The following PCNX4 variants were observed in gnomAD, a reference collection of about 807,000 sequenced individuals.
PCNX4 encodes the protein pecanex 4.
Under a neutral mutation model 107.2 loss-of-function variants are expected in PCNX4, and 103 were observed. The ratio of observed to expected loss-of-function variants is 0.96; its 90% confidence interval spans 0.82 to 1.13. The LOEUF (loss-of-function observed/expected upper bound fraction) is 1.13. Ranked by LOEUF, PCNX4 falls within the 50% of genes most tolerant of loss-of-function variation. PCNX4 has a pLI of 0.00. For missense variants in PCNX4, 1,528 were observed against 1,379.4 expected, an observed-to-expected ratio of 1.11 and a Z score of -1.71; for synonymous variants, 541 against 481.7, an observed-to-expected ratio of 1.12 and a Z score of -1.61.
At chr14:60,111,845 C>A (rs919806137) in intron 2 of PCNX4, among the ~76,000 whole-genome samples, 3 of 152,234 alleles carry the variant, frequency 2.0e-5, no homozygotes, top group Admixed American at 6.5e-5. Flanking sequence ...GTCCCCACAT[C>A]TATTTTTAAA....
At chr14:60,122,705 A>G (rs187981730) in intron 8 of PCNX4, among the ~76,000 whole-genome samples, 2 of 152,290 alleles carry the variant, frequency 1.3e-5, no homozygotes, top group Non-Finnish European at 1.5e-5. Flanking sequence ...AAGTAGTATC[A>G]TAAGCACAGG....
Position 60,144,575 on chromosome 14 carries a change from C to A in PCNX4, c.*10354C>A. 4.8e-6 allele frequency: 1 copy of A among 207,664 alleles called. No homozygotes were observed. The highest frequency in any genetic ancestry group is 9.5e-6 in the Non-Finnish European group (1 of 104,912). The allele number at this position is 207,664 out of a possible 1,614,324, so 12.9% of individuals were successfully genotyped here. A position where few individuals can be genotyped will look rare whatever the true frequency, so the allele number is the denominator to read the frequency against. On this transcript the variant is annotated 3_prime_UTR_variant, in exon 11 of 11. Transcript: ENST00000406854. ...GATCAGCCTTCACCAGACACTAATT[C>A]TGCTGGTGCATTGGTCTTGGAATTC...
intron 10 of PCNX4, 90 bp downstream of exon 10, chr14:60,125,913 T>C (rs1464675080): frequency 4.7e-6 from 4 of 857,584 alleles, no homozygotes; most frequent in Non-Finnish European, 4.9e-6. Context: ...ATAAATGATA[T>C]AACGTTATAG....
At chr14:60,095,791 TAA>T (rs886078149) in intron 1 of PCNX4, among the ~76,000 whole-genome samples, 4 of 130,938 alleles carry the variant, frequency 3.1e-5, no homozygotes, top group African/African-American at 2.8e-5. Flanking sequence ...CCATGAAGGT[TAA>T]AAAAAAAAAA....
In PCNX4 at chr14:60,134,435, C is replaced by A; in HGVS notation, c.*214C>A. On this transcript the variant is annotated 3_prime_UTR_variant, in exon 11 of 11. Coordinates refer to ENST00000406854, the MANE Select transcript of PCNX4 (RefSeq NM_001330177.2). ...TGTCTAAGATAAAAGAACTATTTGG[C>A]CAATATTTGTGCCCTCTGGACTTTA... 1 of 539,884 alleles carries A rather than the reference C, an allele frequency of 1.9e-6. No homozygotes were observed. Among genetic ancestry groups the A allele is most frequent in the African/African-American group, 1.9e-5 (1 of 52,498 alleles). 33.4% of individuals were successfully genotyped at this position (539,884 alleles called of 1,614,324 possible).
Position 60,118,328 on chromosome 14 carries a change from G to C in PCNX4, c.1579-1G>C, listed in dbSNP as rs1243328213. ...TAAAAATAATTTTTACATTTCTACA[G>C]GTTGGTATCATACGTGATCGTTTGA... On this transcript the variant is annotated splice_acceptor_variant, in intron 6 of 10. Transcript: ENST00000406854. LOFTEE classifies it high-confidence loss of function. 6.3e-7 allele frequency: 1 copy of C among 1,598,332 alleles called. No homozygotes were observed. Among genetic ancestry groups the C allele is most frequent in the Admixed American group, 1.7e-5 (1 of 57,836 alleles).
At chr14:60,132,024 A>C (rs1896163424) in intron 10 of PCNX4, among the ~76,000 whole-genome samples, 1 of 152,226 alleles carries the variant, frequency 6.6e-6, no homozygotes, top group Admixed American at 6.5e-5. Flanking sequence ...AACAATTATT[A>C]CCACAAACTG....
chr14:60,107,930 T>C lies in PCNX4; in HGVS notation c.292T>C (p.Ser98Pro). 6.2e-7 allele frequency: 1 copy of C among 1,612,798 alleles called. No individual in the cohort carries two copies. The highest frequency in any genetic ancestry group is 1.3e-5 in the African/African-American group (1 of 75,016). ...CACAAGTTTATACGCCAAAAACAAA[T>C]CAACAACAGTAGAAAGAATACTAAC... The part of the protein sequence containing the change: ...QFTSLYAKNK[S>P]TTVERILTTD... Residue 98 changes from serine to proline, a missense_variant, in exon 2 of 11, where the codon TCA (serine) becomes CCA (proline). Transcript: ENST00000406854.
chr14:60,111,112 G>T (rs995035719), intron 2 of PCNX4: 1 of 163,166 alleles, frequency 6.1e-6, no homozygotes, highest in Non-Finnish European at 1.5e-5. Context: ...TCTTGTACTT[G>T]TAGCCCCCAG....
Position 60,131,420 on chromosome 14 carries a change from C to T in PCNX4, c.3268-2550C>T, listed in dbSNP as rs1896152824. On this transcript the variant is annotated intron_variant, in intron 10 of 10. Coordinates refer to ENST00000406854, the MANE Select transcript of PCNX4 (RefSeq NM_001330177.2). ...AATCTGGTGAATTTCTACACACTAG[C>T]AATGAACAAACCAAAAATGAAGTTA... Among the ~76,000 whole-genome samples, 2 of 152,052 alleles carry T rather than the reference C, an allele frequency of 1.3e-5. 1 individual carries two copies. The highest frequency in any genetic ancestry group is 4.1e-4 in the South Asian group (2 of 4,828).
intron 2 of PCNX4, 78 bp downstream of exon 2, chr14:60,108,405 C>CA (rs1895672921): frequency 3.7e-6 from 4 of 1,082,336 alleles, no homozygotes; most frequent in Non-Finnish European, 5.3e-6. Flanking sequence ...TTTAGTGTTA[C>CA]AAAAAAATGA....
intron 6 of PCNX4, among the ~76,000 whole-genome samples, 169 bp from the exon 7 acceptor site, chr14:60,118,160 A>T (rs1239829240): frequency 1.3e-5 from 2 of 150,312 alleles, no homozygotes; most frequent in Non-Finnish European, 3.0e-5. Flanking sequence ...AGTCTTGTTT[A>T]TTAATTATGA....
intron 10 of PCNX4, among the ~76,000 whole-genome samples, chr14:60,127,246 A>T (rs950133732): frequency 6.6e-6 from 1 of 152,222 alleles, no homozygotes; most frequent in Non-Finnish European, 1.5e-5. Context: ...TAAACTGGCT[A>T]GATTTTTTTC....
At chr14:60,097,571 G>A (rs1895448749) in intron 1 of PCNX4, among the ~76,000 whole-genome samples, 1 of 152,166 alleles carries the variant, frequency 6.6e-6, no homozygotes, top group Non-Finnish European at 1.5e-5. Context: ...CCAAACATGT[G>A]CCTCTGCCTC....
In PCNX4 at chr14:60,125,224, T is replaced by C; in HGVS notation, c.3053T>C (p.Leu1018Pro). The change falls in exon 9 of 11, where the codon CTG becomes CCG. Residue 1018 changes from leucine (L) to proline (P), a missense_variant. Transcript: ENST00000406854. The stretch of plus-strand genomic sequence containing the variant: ...GACTGGCTCACAGAAAAGCCAGAAC[T>C]GTTTCAACTAGCACTGAAAGCATTC... ...ALDWLTEKPE[L>P]FQLALKAFRY... 6.3e-7 allele frequency: 1 copy of C among 1,588,126 alleles called. No homozygotes were observed. Among genetic ancestry groups the C allele is most frequent in the Non-Finnish European group, 8.6e-7 (1 of 1,169,564 alleles).
intron 10 of PCNX4, among the ~76,000 whole-genome samples, chr14:60,131,419 G>A (rs1251315794): frequency 6.6e-6 from 1 of 152,042 alleles, no homozygotes; most frequent in Non-Finnish European, 1.5e-5. Context: ...CTACACACTA[G>A]CAATGAACAA....
At chr14:60,115,641 G>T in intron 4 of PCNX4, 78 bp from the exon 5 acceptor site, 1 of 1,390,076 alleles carries the variant, frequency 7.2e-7, no homozygotes, top group Non-Finnish European at 9.8e-7. Flanking sequence ...CATAAAAAAT[G>T]TGTATTTGCC....
intron 1 of PCNX4, among the ~76,000 whole-genome samples, chr14:60,100,756 T>C (rs1321503691): frequency 6.6e-6 from 1 of 152,186 alleles, no homozygotes; most frequent in African/African-American, 2.4e-5. Context: ...TTTAACCCTG[T>C]ATATCTTGAC....
intron 10 of PCNX4, chr14:60,133,758 TTTTA>T: frequency 3.0e-6 from 2 of 657,042 alleles, no homozygotes; most frequent in Middle Eastern, 2.4e-4. Flanking sequence ...GCCAGGAAAC[TTTTA>T]TTTAAAGAAC....
Sources: gnomAD v4.1 joint callset for allele counts (sites outside exome capture counted in the v4.1 genomes callset) on GRCh38, gnomAD v4.1.1 for gene constraint, MANE v1.5 for transcripts, NCBI Gene and HGNC (gene_info 2026-07-23, HGNC 2026-07-21) for gene names.